Variants in TP63 observed in about 807,000 individuals in gnomAD.
The protein encoded by TP63 is tumor protein 63.
TP63 carries 17 observed loss-of-function variants against 82.8 expected under a neutral mutation model. The ratio of observed to expected loss-of-function variants is 0.21; its 90% CI spans 0.14 to 0.31. The LOEUF (loss-of-function observed/expected upper bound fraction) is 0.31, where lower values mean the gene tolerates loss of function less well. TP63 is among the 10% of genes least tolerant of loss of function. The pLI is 1.00. For synonymous variants in TP63, 330 were observed against 321.7 expected, an observed-to-expected ratio of 1.03 and a Z score of -0.28; for missense variants, 648 against 895.3, an observed-to-expected ratio of 0.72 and a Z score of 3.52.
chr3:189,850,518 C>G (rs1715487086), intron 4 of TP63, among the ~76,000 whole-genome samples: 1 of 151,976 alleles, frequency 6.6e-6, no homozygotes, highest in African/African-American at 2.4e-5. Flanking sequence ...ATGGATAAAT[C>G]TGGGAAGCAT....
chr3:189,880,880 C>T (rs1006887393), intron 10 of TP63: 18 of 985,232 alleles, frequency 1.8e-5, no homozygotes, highest in Non-Finnish European at 2.2e-5. Context: ...TGTATGTTGG[C>T]ATCTGTTATG....
At chr3:189,826,737 T>C (rs1300281225) in intron 4 of TP63, among the ~76,000 whole-genome samples, 1 of 152,190 alleles carries the variant, frequency 6.6e-6, no homozygotes, top group Non-Finnish European at 1.5e-5. Context: ...ATGAGTCTCA[T>C]AGGATCTCTC....
chr3:189,768,799 A>G (rs1444073502), intron 3 of TP63, among the ~76,000 whole-genome samples: 1 of 152,170 alleles, frequency 6.6e-6, no homozygotes, highest in African/African-American at 2.4e-5. Flanking sequence ...TGTACAGATT[A>G]AATGAATGTA....
intron 4 of TP63, among the ~76,000 whole-genome samples, chr3:189,810,856 CTCCAAAAAAAAAAAAAAAATTAAAGTTAT>C (rs1020972876): frequency 1.4e-5 from 1 of 71,022 alleles, no homozygotes; most frequent in Non-Finnish European, 3.2e-5. Context: ...AAGAGTCCGT[CTCCAAAAAAAAAAAAAAAATTAAAGTTAT>C]TTTCAGGTTT....
At chr3:189,606,212 A>T in the TP63 span, among the ~76,000 whole-genome samples, 2 of 152,308 alleles carry the variant, frequency 1.3e-5, no homozygotes, top group Middle Eastern at 3.4e-3. Flanking sequence ...TGAAAATTTA[A>T]TTGCATACTA....
At chr3:189,670,331 T>C (rs1434676596) in intron 1 of TP63, among the ~76,000 whole-genome samples, 1 of 152,026 alleles carries the variant, frequency 6.6e-6, no homozygotes, top group South Asian at 2.1e-4. Context: ...CCAATCGATA[T>C]TTGTAGCACA....
At chr3:189,672,592 A>C (rs1430082216) in intron 1 of TP63, among the ~76,000 whole-genome samples, 1 of 148,704 alleles carries the variant, frequency 6.7e-6, no homozygotes, top group Non-Finnish European at 1.5e-5. Context: ...ACAGAGCAAG[A>C]ACCTGTCACA....
chr3:189,714,461 C>G (rs1221815310), intron 1 of TP63, among the ~76,000 whole-genome samples: 2 of 152,036 alleles, frequency 1.3e-5, no homozygotes, highest in Admixed American at 1.3e-4. Context: ...AAAAACAAAT[C>G]TTGTTTTGAC....
At chr3:189,627,254 G>A (rs958069178), upstream of TP63, among the ~76,000 whole-genome samples, 2 of 152,154 alleles carry the variant, frequency 1.3e-5, no homozygotes, top group Non-Finnish European at 2.9e-5. Flanking sequence ...CTCTTAAAAA[G>A]TTTGTTGGAC....
At position 189,631,489 on chromosome 3, in the gene TP63, C is replaced by G; in HGVS notation, c.-27C>G. Reference sequence around the variant, plus strand: ...ATATTTTATATAATTGTTCTCCGTTCGTTGATATCAAAGACAGTTGAAGGA... The same window carrying G: ...ATATTTTATATAATTGTTCTCCGTTGGTTGATATCAAAGACAGTTGAAGGA... On this transcript the variant is annotated 5_prime_UTR_variant, in exon 1 of 14. Transcript: ENST00000264731. 2 of 1,612,092 alleles carry G rather than the reference C, an allele frequency of 1.2e-6. No homozygotes were observed. Among genetic ancestry groups the G allele is most frequent in the Non-Finnish European group, 1.7e-6 (2 of 1,178,650 alleles).
chr3:189,644,911 T>G (rs973027557), intron 1 of TP63, among the ~76,000 whole-genome samples: 5 of 133,736 alleles, frequency 3.7e-5, no homozygotes, highest in Non-Finnish European at 6.8e-5. Flanking sequence ...CACCACATTT[T>G]CTTTTTTTTT....
At chr3:189,620,250 C>T in the TP63 span, among the ~76,000 whole-genome samples, 41 of 131,474 alleles carry the variant, frequency 3.1e-4, no homozygotes, top group Admixed American at 2.1e-3. Context: ...GTGTGCCGGG[C>T]GTGGTGGCTC....
At chr3:189,870,194 G>A (rs1463837164) in intron 9 of TP63, among the ~76,000 whole-genome samples, 1 of 152,156 alleles carries the variant, frequency 6.6e-6, no homozygotes, top group Non-Finnish European at 1.5e-5. Flanking sequence ...TGACTTTGAT[G>A]TCTTTTAGGC....
intron 10 of TP63, chr3:189,881,578 C>A: frequency 2.2e-6 from 2 of 927,038 alleles, no homozygotes; most frequent in South Asian, 9.9e-5. Context: ...CTTGAAGTAG[C>A]ATGTGTAGGT....
chr3:189,813,067 C>T (rs1727748302), intron 4 of TP63, among the ~76,000 whole-genome samples: 1 of 152,138 alleles, frequency 6.6e-6, no homozygotes, highest in Admixed American at 6.5e-5. Context: ...CTTGCCAGTG[C>T]AAGGAGAGGC....
At chr3:189,684,299 G>A (rs971549373) in intron 1 of TP63, among the ~76,000 whole-genome samples, 7 of 152,100 alleles carry the variant, frequency 4.6e-5, no homozygotes, top group African/African-American at 1.7e-4. Context: ...CATCCTATAG[G>A]GAAGAGTGAT....
intron 3 of TP63, among the ~76,000 whole-genome samples, chr3:189,791,669 G>A (rs1333392980): frequency 6.6e-6 from 1 of 152,036 alleles, no homozygotes; most frequent in Non-Finnish European, 1.5e-5. Flanking sequence ...CATGTTGCCT[G>A]CATGACTTTC....
chr3:189,840,789 A>G (rs11717720), intron 4 of TP63, among the ~76,000 whole-genome samples: 74,227 of 147,632 alleles, frequency 0.5, 18,756 homozygotes, highest in Non-Finnish European at 0.54. Flanking sequence ...CCCGGGAGGC[A>G]GAGGTTGCAG....
rs1717397791 is a variant in TP63, at chr3:189,864,157, G to T, written c.580-75G>T. 3 of 1,594,764 alleles carry T rather than the reference G, an allele frequency of 1.9e-6. No homozygotes were observed. The Admixed American group carries it at 5.0e-5, about 27-fold the overall frequency. On this transcript the variant is annotated intron_variant, in intron 4 of 13. Coordinates refer to ENST00000264731, the MANE Select transcript of TP63 (RefSeq NM_003722.5). ...TCTAAAAAGTGGACAGATTTTCATTGTTCTGATTTGGAATGTAACAATATC... is the reference window on the plus strand; with the variant it reads ...TCTAAAAAGTGGACAGATTTTCATTTTTCTGATTTGGAATGTAACAATATC...
Sources: allele counts gnomAD v4.1 joint callset (sites outside exome capture counted in the v4.1 genomes callset), GRCh38; gene constraint gnomAD v4.1.1; transcripts MANE v1.5; gene names NCBI Gene and HGNC (gene_info 2026-07-23, HGNC 2026-07-21).